The following CTNNA2 variants were observed in gnomAD, a reference collection of about 807,000 sequenced individuals.
CTNNA2 encodes the protein catenin alpha-2.
In CTNNA2, 42 loss-of-function variants were observed where a neutral mutation model predicts 101.0. The ratio of observed to expected loss-of-function variants is 0.42; its 90% CI spans 0.32 to 0.54. CTNNA2 has a LOEUF of 0.54. Among genes scored for constraint, CTNNA2 ranks in the 20% least tolerant of loss-of-function variants. The probability of loss-of-function intolerance (pLI) is 0.14; values close to 1 mark genes in which losing one functional copy is unlikely to be tolerated. For missense variants in CTNNA2, 871 were observed against 1,223.1 expected, an observed-to-expected ratio of 0.71 and a Z score of 4.29; for synonymous variants, 450 against 456.4, an observed-to-expected ratio of 0.99 and a Z score of 0.18.
At chr2:79,648,855 A>G (rs1681015740) in intron 1 of CTNNA2, among the ~76,000 whole-genome samples, 2 of 152,218 alleles carry the variant, frequency 1.3e-5, no homozygotes, top group African/African-American at 4.8e-5. Flanking sequence ...TGGCTGGAAA[A>G]CAGCATTTCA....
At chr2:79,866,334 G>A (rs1446679540) in intron 4 of CTNNA2, among the ~76,000 whole-genome samples, 2 of 152,190 alleles carry the variant, frequency 1.3e-5, no homozygotes, top group African/African-American at 2.4e-5. Context: ...ACAAAAATAC[G>A]TGGTTTAGCA....
chr2:80,068,604 T>C (rs995314069), intron 7 of CTNNA2, among the ~76,000 whole-genome samples: 2 of 152,190 alleles, frequency 1.3e-5, no homozygotes, highest in Non-Finnish European at 2.9e-5. Context: ...TTGGAGACCA[T>C]TGCCAAATTA....
intron 7 of CTNNA2, among the ~76,000 whole-genome samples, chr2:80,040,512 G>A (rs1156810376): frequency 1.3e-5 from 2 of 152,158 alleles, no homozygotes; most frequent in African/African-American, 4.8e-5. Flanking sequence ...GGCTGTTCCT[G>A]TACACTGCAT....
intron 2 of CTNNA2, among the ~76,000 whole-genome samples, chr2:79,704,801 C>CCAA (rs2104775769): frequency 6.6e-6 from 1 of 152,186 alleles, no homozygotes; most frequent in South Asian, 2.1e-4. Context: ...TCTTTAAAAT[C>CCAA]GAAGAATCAT....
chr2:80,140,200 A>C (rs1378522979), intron 7 of CTNNA2, among the ~76,000 whole-genome samples: 1 of 152,200 alleles, frequency 6.6e-6, no homozygotes, highest in Non-Finnish European at 1.5e-5. Flanking sequence ...AAAAGTACCC[A>C]ATTTGAAAAC....
chr2:80,273,770 C>T (rs1042687970), intron 7 of CTNNA2, among the ~76,000 whole-genome samples: 6 of 152,062 alleles, frequency 3.9e-5, no homozygotes, highest in Admixed American at 6.6e-5. Context: ...CTTCAAAGTT[C>T]CGTTCAGATG....
intron 4 of CTNNA2, among the ~76,000 whole-genome samples, chr2:79,486,248 C>T (rs919623534): frequency 6.8e-6 from 1 of 148,082 alleles, no homozygotes; most frequent in African/African-American, 2.5e-5. Flanking sequence ...CAACAATCCC[C>T]GGTGTGTGAT....
chr2:80,411,532 C>T (rs1156462727), intron 8 of CTNNA2, among the ~76,000 whole-genome samples: 1 of 152,116 alleles, frequency 6.6e-6, no homozygotes, highest in Non-Finnish European at 1.5e-5. Context: ...TTCAGAATCC[C>T]TTGTATATAT....
intron 8 of CTNNA2, among the ~76,000 whole-genome samples, chr2:80,410,473 C>A (rs1204816237): frequency 6.6e-6 from 1 of 152,230 alleles, no homozygotes; most frequent in Admixed American, 6.5e-5. Flanking sequence ...CTTTGTCACA[C>A]ATACGTTTAA....
intron 7 of CTNNA2, among the ~76,000 whole-genome samples, chr2:80,330,576 A>T (rs766580551): frequency 2.1e-4 from 32 of 152,082 alleles, no homozygotes; most frequent in Non-Finnish European, 4.0e-4. Flanking sequence ...CAAGCTGACA[A>T]TCAGGCCGTT....
intron 7 of CTNNA2, among the ~76,000 whole-genome samples, chr2:79,975,633 C>T (rs1020883194): frequency 6.6e-6 from 1 of 152,074 alleles, no homozygotes; most frequent in Non-Finnish European, 1.5e-5. Context: ...TCCTCAGGTC[C>T]GATTAATTTG....
chr2:79,209,197 A>C (rs987722029), intron 2 of CTNNA2, among the ~76,000 whole-genome samples: 31 of 152,214 alleles, frequency 2.0e-4, no homozygotes, highest in African/African-American at 7.2e-4. Flanking sequence ...AAATTTTTTT[A>C]AAAGCATACC....
intron 2 of CTNNA2, among the ~76,000 whole-genome samples, chr2:79,229,471 C>A (rs115480198): frequency 1.3e-5 from 2 of 152,158 alleles, no homozygotes; most frequent in African/African-American, 4.8e-5. Flanking sequence ...ATAAGAAGTG[C>A]CCTCCACCAT....
At chr2:80,182,751 CAG>C (rs1705860934) in intron 7 of CTNNA2, among the ~76,000 whole-genome samples, 1 of 152,098 alleles carries the variant, frequency 6.6e-6, no homozygotes, top group Non-Finnish European at 1.5e-5. Flanking sequence ...GCGAAAAAGC[CAG>C]CTATGTGCAG....
chr2:80,033,813 A>G (rs1695462044), intron 7 of CTNNA2, among the ~76,000 whole-genome samples: 1 of 152,138 alleles, frequency 6.6e-6, no homozygotes. Context: ...GCATATGGAA[A>G]TTCAGTGTAT....
At chr2:79,391,938 A>C (rs1678177501) in intron 4 of CTNNA2, among the ~76,000 whole-genome samples, 1 of 151,964 alleles carries the variant, frequency 6.6e-6, no homozygotes. Context: ...CTGCATCCTC[A>C]CACATAATCA....
At chr2:80,570,156 C>A (rs868600546) in intron 12 of CTNNA2, among the ~76,000 whole-genome samples, 2 of 152,128 alleles carry the variant, frequency 1.3e-5, no homozygotes, top group South Asian at 4.1e-4. Context: ...TCAAGCGATT[C>A]TCATGCCTCA....
chr2:80,361,866 G>A (rs534246179), intron 7 of CTNNA2, among the ~76,000 whole-genome samples: 3 of 152,184 alleles, frequency 2.0e-5, no homozygotes, highest in South Asian at 2.1e-4. Flanking sequence ...ATCATAGACC[G>A]CCTACTAAGA....
At chr2:79,777,069 A>G (rs549492143) in intron 3 of CTNNA2, 30 of 152,158 alleles carry the variant, frequency 2.0e-4, no homozygotes, top group Admixed American at 3.3e-4. Flanking sequence ...TGACTTTCCA[A>G]TCAGAGCTTT....
Sources: gnomAD v4.1 joint callset for allele counts (sites outside exome capture counted in the v4.1 genomes callset) on GRCh38, gnomAD v4.1.1 for gene constraint, MANE v1.5 for transcripts, NCBI Gene and HGNC (gene_info 2026-07-23, HGNC 2026-07-21) for gene names.